PBX3: variants seen among roughly 807,000 people sequenced by gnomAD.
PBX3 encodes PBX homeobox 3.
PBX3 carries 14 observed loss-of-function variants against 48.5 expected under a neutral mutation model. The observed-to-expected ratio is 0.29, with a 90% CI of 0.19 to 0.45. The LOEUF (loss-of-function observed/expected upper bound fraction) is 0.45, where lower values mean the gene tolerates loss of function less well. Among genes scored for constraint, PBX3 ranks in the 20% least tolerant of loss-of-function variants. The pLI, the probability that PBX3 is intolerant of heterozygous loss-of-function variation, is 1.00. For missense variants in PBX3, 386 were observed against 546.7 expected, an observed-to-expected ratio of 0.71 and a Z score of 2.93; for synonymous variants, 210 against 200.3, an observed-to-expected ratio of 1.05 and a Z score of -0.41.
intron 2 of PBX3, among the ~76,000 whole-genome samples, chr9:125,763,321 G>A (rs527871467): frequency 6.6e-6 from 1 of 152,272 alleles, no homozygotes; most frequent in South Asian, 2.1e-4. Flanking sequence ...TTTTGTGTGA[G>A]GTTGTGTTGG....
chr9:125,867,640 C>CA (rs34050364), intron 2 of PBX3, among the ~76,000 whole-genome samples: 38,191 of 91,762 alleles, frequency 0.42, 6,523 homozygotes, highest in Middle Eastern at 0.48. Context: ...GACTCCATCT[C>CA]AAAAAAAAAA....
chr9:125,781,586 C>G (rs934301212), intron 2 of PBX3, among the ~76,000 whole-genome samples: 1 of 146,234 alleles, frequency 6.8e-6, no homozygotes, highest in African/African-American at 2.5e-5. Context: ...AGGGGAGAGG[C>G]GAGAGGCGAG....
At chr9:125,840,465 T>A (rs1458043132) in intron 2 of PBX3, among the ~76,000 whole-genome samples, 3 of 151,334 alleles carry the variant, frequency 2.0e-5, no homozygotes, top group African/African-American at 7.3e-5. Context: ...TTTATATTAT[T>A]ACTTATATAT....
At position 125,788,319 on chromosome 9, in the gene PBX3, C is replaced by T. The variant is rs922887289; in HGVS notation, c.274+39696C>T. On this transcript the variant is annotated intron_variant, in intron 2 of 8. Transcript: ENST00000373489. ...GTTGCTTGCAGCCAAGGGGAAGAGA[C>T]AAATTTCTAAACAGATAATTGATAT... 3.3e-5 allele frequency among the ~76,000 whole-genome samples: 5 copies of T among 152,072 alleles called. 1 individual carries two copies. The highest frequency in any genetic ancestry group is 1.2e-4 in the African/African-American group (5 of 41,390).
intron 4 of PBX3, among the ~76,000 whole-genome samples, chr9:125,931,138 G>T (rs1041479255): frequency 5.3e-5 from 8 of 151,846 alleles, no homozygotes; most frequent in Non-Finnish European, 1.0e-4. Flanking sequence ...TTTGTTTGGG[G>T]GCTTTTTAAA....
intron 2 of PBX3, among the ~76,000 whole-genome samples, chr9:125,896,794 G>A (rs1840779347): frequency 6.6e-6 from 1 of 151,940 alleles, no homozygotes; most frequent in African/African-American, 2.4e-5. Flanking sequence ...GTGAGGTAGA[G>A]GAGGTCTCCA....
chr9:125,956,381 A>G lies in PBX3; in HGVS notation c.844-4303A>G, dbSNP rs371590873. 1.2e-4 allele frequency among the ~76,000 whole-genome samples: 19 copies of G among 152,340 alleles called. No homozygotes were observed. In the East Asian group the frequency reaches 3.3e-3, roughly 26 times the overall value. On this transcript the variant is annotated intron_variant, in intron 5 of 8. Coordinates refer to ENST00000373489, the MANE Select transcript of PBX3 (RefSeq NM_006195.6). The stretch of plus-strand genomic sequence containing the variant: ...GAGATAATGAGTAAAAGCTTTTTGA[A>G]GAAGGTAAAAAAGCTAGGTAAAAGG...
intron 2 of PBX3, among the ~76,000 whole-genome samples, chr9:125,878,481 C>T (rs1840307687): frequency 6.6e-6 from 1 of 152,172 alleles, no homozygotes; most frequent in South Asian, 2.1e-4. Flanking sequence ...AGACTGTAAC[C>T]AAAAGAAAGG....
intron 6 of PBX3, among the ~76,000 whole-genome samples, chr9:125,961,654 G>C (rs1842433778): frequency 6.6e-6 from 1 of 152,070 alleles, no homozygotes; most frequent in Non-Finnish European, 1.5e-5. Flanking sequence ...CATAAAAACA[G>C]ATGAAAGGAG....
intron 1 of PBX3, 85 bp from the exon 2 acceptor site, chr9:125,748,465 A>C: frequency 2.6e-6 from 4 of 1,551,850 alleles, no homozygotes; most frequent in Admixed American, 1.7e-5. Flanking sequence ...GGCTGGAATT[A>C]AATCTTGGGT....
intron 2 of PBX3, among the ~76,000 whole-genome samples, chr9:125,833,501 A>T (rs986762940): frequency 2.0e-5 from 3 of 151,932 alleles, no homozygotes; most frequent in Non-Finnish European, 2.9e-5. Flanking sequence ...AAAAAAAAAA[A>T]TTGTTTTATT....
intron 1 of PBX3, chr9:125,748,117 G>A (rs1228768789): frequency 4.3e-6 from 2 of 463,804 alleles, no homozygotes; most frequent in African/African-American, 4.2e-5. Context: ...GGGTGCGGAC[G>A]GCCAAGTTCT....
chr9:125,937,431 A>AT (rs142066103), intron 5 of PBX3, among the ~76,000 whole-genome samples: 10,409 of 150,192 alleles, frequency 0.069, 813 homozygotes, highest in East Asian at 0.18. Flanking sequence ...TATGTTTTGA[A>AT]TTTTTTTTTT....
At chr9:125,927,046 A>G (rs1352719651) in intron 3 of PBX3, among the ~76,000 whole-genome samples, 1 of 152,248 alleles carries the variant, frequency 6.6e-6, no homozygotes, top group Non-Finnish European at 1.5e-5. Context: ...CATCAGAATT[A>G]TTAATATGCA....
At chr9:125,772,622 C>T (rs747555638) in intron 2 of PBX3, among the ~76,000 whole-genome samples, 5 of 152,122 alleles carry the variant, frequency 3.3e-5, no homozygotes, top group Admixed American at 3.3e-4. Context: ...TTTTCTTTTC[C>T]TAAAGTAAGG....
Position 125,880,260 on chromosome 9 carries a change from G to C in PBX3, c.275-35426G>C, listed in dbSNP as rs903343082. 1.3e-5 allele frequency among the ~76,000 whole-genome samples: 2 copies of C among 152,170 alleles called. 1 individual carries two copies. The highest frequency in any genetic ancestry group is 4.1e-4 in the South Asian group (2 of 4,832). The stretch of plus-strand genomic sequence containing the variant: ...GGGTTTCACCATGTTGGCCAGGCTG[G>C]TCTTGAACTCCTGACCTCGTGATCC... On this transcript the variant is annotated intron_variant, in intron 2 of 8. Transcript: ENST00000373489.
At chr9:125,769,898 G>T (rs1836898461) in intron 2 of PBX3, among the ~76,000 whole-genome samples, 1 of 152,074 alleles carries the variant, frequency 6.6e-6, no homozygotes, top group African/African-American at 2.4e-5. Flanking sequence ...TGAGTGAATT[G>T]TTTATTAATT....
intron 2 of PBX3, among the ~76,000 whole-genome samples, chr9:125,784,024 CCTTA>C (rs1489042006): frequency 2.0e-5 from 3 of 152,022 alleles, no homozygotes; most frequent in Admixed American, 6.6e-5. Context: ...AAACAAAAAC[CCTTA>C]CTTTGTCTAG....
At chr9:125,888,039 A>G (rs921853005) in intron 2 of PBX3, among the ~76,000 whole-genome samples, 2 of 152,182 alleles carry the variant, frequency 1.3e-5, no homozygotes, top group Non-Finnish European at 2.9e-5. Context: ...GACTTACATG[A>G]TAAGTGTAAT....
Sources: gnomAD v4.1 joint callset for allele counts (sites outside exome capture counted in the v4.1 genomes callset) on GRCh38, gnomAD v4.1.1 for gene constraint, MANE v1.5 for transcripts, NCBI Gene and HGNC (gene_info 2026-07-23, HGNC 2026-07-21) for gene names.